CLIC4: variants seen among roughly 807,000 people sequenced by gnomAD.
The protein encoded by CLIC4 is chloride intracellular channel protein 4.
Under a neutral mutation model 24.6 loss-of-function variants are expected in CLIC4, and 13 were observed. That is an observed-to-expected ratio of 0.53 (90% CI 0.34 to 0.84). The LOEUF is 0.84. Among genes scored for constraint, CLIC4 ranks in the 40% least tolerant of loss-of-function variants. The pLI is 0.01. For synonymous variants in CLIC4, 104 were observed against 111.3 expected, an observed-to-expected ratio of 0.93 and a Z score of 0.41; for missense variants, 227 against 301.7, an observed-to-expected ratio of 0.75 and a Z score of 1.83.
chr1:24,755,246 G>A (rs752941204), intron 1 of CLIC4, among the ~76,000 whole-genome samples: 23 of 150,660 alleles, frequency 1.5e-4, no homozygotes, highest in African/African-American at 3.7e-4. Flanking sequence ...GATTACAGGC[G>A]TGAGCTACCA....
Position 24,789,134 on chromosome 1 carries a change from A to G in CLIC4, c.73-8608A>G, listed in dbSNP as rs879410873. Reference sequence around the variant, plus strand: ...TTTGGACATCTGTATGACTGTTTCTATAGAATAAATTTCTAGATATAAAAT... The same window carrying G: ...TTTGGACATCTGTATGACTGTTTCTGTAGAATAAATTTCTAGATATAAAAT... On this transcript the variant is annotated intron_variant, in intron 1 of 5. Coordinates refer to ENST00000374379, the MANE Select transcript of CLIC4 (RefSeq NM_013943.3). Among the ~76,000 whole-genome samples the G allele has an allele frequency of 3.9e-5, 6 of 152,346 alleles. No homozygotes were observed. In the East Asian group the frequency reaches 7.7e-4, roughly 20 times the overall value.
chr1:24,755,832 T>A (rs1305037741), intron 1 of CLIC4, among the ~76,000 whole-genome samples: 1 of 152,030 alleles, frequency 6.6e-6, no homozygotes, highest in East Asian at 1.9e-4. Flanking sequence ...ATTTTAACTT[T>A]TTTTTTGAGA....
At chr1:24,823,560 G>A (rs112106712) in intron 3 of CLIC4, among the ~76,000 whole-genome samples, 4,490 of 152,136 alleles carry the variant, frequency 0.03, 103 homozygotes, top group Middle Eastern at 0.054. Flanking sequence ...GGATCATGAG[G>A]TCAGCAGTTT....
In CLIC4 at chr1:24,784,730, T is replaced by C. The variant is rs377295258; in HGVS notation, c.73-13012T>C. Among the ~76,000 whole-genome samples, 133 of 152,314 alleles carry C rather than the reference T, an allele frequency of 8.7e-4. 1 individual carries two copies. In the South Asian group the frequency reaches 0.023, roughly 26 times the overall value. On this transcript the variant is annotated intron_variant, in intron 1 of 5. Coordinates refer to ENST00000374379, the MANE Select transcript of CLIC4 (RefSeq NM_013943.3). ...GCTGTTTTATTTATACAGACAGAGC[T>C]GGACACATAGTAATTCTGTAATCCC...
intron 5 of CLIC4, among the ~76,000 whole-genome samples, 181 bp from the exon 6 acceptor site, chr1:24,840,592 T>C (rs1430603217): frequency 2.0e-5 from 3 of 152,244 alleles, no homozygotes; most frequent in African/African-American, 7.2e-5. Flanking sequence ...ATCCCTGGTG[T>C]AGCTTGCAGT....
intron 4 of CLIC4, among the ~76,000 whole-genome samples, chr1:24,836,531 A>G (rs1315060993): frequency 2.0e-5 from 3 of 152,220 alleles, no homozygotes; most frequent in African/African-American, 7.2e-5. Flanking sequence ...AATATGATAG[A>G]TATCAATAAC....
chr1:24,802,620 C>T (rs2124139329), intron 2 of CLIC4, among the ~76,000 whole-genome samples: 1 of 152,146 alleles, frequency 6.6e-6, no homozygotes, highest in South Asian at 2.1e-4. Flanking sequence ...CTGTACCATC[C>T]CTACCCCCTA....
intron 2 of CLIC4, among the ~76,000 whole-genome samples, chr1:24,807,147 T>G (rs1307473980): frequency 1.3e-5 from 2 of 151,968 alleles, no homozygotes; most frequent in African/African-American, 4.8e-5. Context: ...AAAAGAAAAT[T>G]GAATAAAAAT....
In CLIC4 at chr1:24,778,616, T is replaced by C. The variant is rs537519810; in HGVS notation, c.73-19126T>C. Among the ~76,000 whole-genome samples, 3 of 152,318 alleles carry C rather than the reference T, an allele frequency of 2.0e-5. No individual in the cohort carries two copies. The East Asian group carries it at 5.8e-4, about 29-fold the overall frequency. ...ATGAAGAATTTGTAAGAAAAAAGGA[T>C]GGACCCTCTGTAAAAAGAAGAGATA... On this transcript the variant is annotated intron_variant, in intron 1 of 5. Coordinates refer to ENST00000374379, the MANE Select transcript of CLIC4 (RefSeq NM_013943.3).
chr1:24,840,731 G>C, intron 5 of CLIC4, 42 bp from the exon 6 acceptor site: 1 of 1,511,546 alleles, frequency 6.6e-7, no homozygotes, highest in Non-Finnish European at 9.0e-7. Context: ...TTTACAAGAC[G>C]TGGAAATAAG....
chr1:24,789,727 CTT>C, intron 1 of CLIC4, among the ~76,000 whole-genome samples: 1 of 151,648 alleles, frequency 6.6e-6, no homozygotes, highest in Middle Eastern at 3.4e-3. Flanking sequence ...TCTGGGACTT[CTT>C]TATATCTTTT....
At chr1:24,814,073 G>T in intron 2 of CLIC4, 21 bp from the exon 3 acceptor site, 2 of 1,612,546 alleles carry the variant, frequency 1.2e-6, no homozygotes, top group South Asian at 1.1e-5. Flanking sequence ...ATCTGATTTT[G>T]ACCAATATTT....
At chr1:24,812,265 C>T (rs571715024) in intron 2 of CLIC4, among the ~76,000 whole-genome samples, 1 of 152,098 alleles carries the variant, frequency 6.6e-6, no homozygotes, top group South Asian at 2.1e-4. Flanking sequence ...TTCATTATGC[C>T]ATCTTTTATG....
Position 24,840,985 on chromosome 1 carries a change from G to A in CLIC4, c.*48G>A, listed in dbSNP as rs114651082. 1.3e-3 allele frequency: 1,928 copies of A among 1,505,386 alleles called. 15 individuals are homozygous for A. In the African/African-American group the frequency reaches 0.023, roughly 18 times the overall value. The allele number at this position is 1,505,386 out of a possible 1,614,324, so 93.3% of individuals were successfully genotyped here. The stretch of plus-strand genomic sequence containing the variant: ...TCTTCATGTCTTCCCCTAAGAATAC[G>A]CTTTTCCTAACAGGCTACTCCTTCC... On this transcript the variant is annotated 3_prime_UTR_variant, in exon 6 of 6. Transcript: ENST00000374379.
chr1:24,800,426 C>T (rs1364785926), intron 2 of CLIC4, among the ~76,000 whole-genome samples: 3 of 149,902 alleles, frequency 2.0e-5, no homozygotes, highest in Admixed American at 6.6e-5. Context: ...CCAGCTGCCC[C>T]GTCTGGGAGG....
At chr1:24,781,429 A>C (rs1396483534) in intron 1 of CLIC4, among the ~76,000 whole-genome samples, 2 of 151,440 alleles carry the variant, frequency 1.3e-5, no homozygotes, top group Non-Finnish European at 2.9e-5. Flanking sequence ...GGTGTGAGCC[A>C]CCGCGTCTGG....
chr1:24,752,338 T>C (rs1342535284), intron 1 of CLIC4, among the ~76,000 whole-genome samples: 4 of 152,192 alleles, frequency 2.6e-5, no homozygotes, highest in African/African-American at 9.6e-5. Flanking sequence ...AGTTTATTTC[T>C]CACCCCTCAG....
chr1:24,826,939 TG>T, intron 3 of CLIC4, 70 bp from the exon 4 acceptor site: 1 of 985,138 alleles, frequency 1.0e-6, no homozygotes, highest in Non-Finnish European at 1.5e-6. Flanking sequence ...ACTGCTAGCA[TG>T]GTGGTTTGAG....
chr1:24,825,021 C>CACAA (rs1440951991), intron 3 of CLIC4, among the ~76,000 whole-genome samples: 6 of 151,656 alleles, frequency 4.0e-5, no homozygotes, highest in Non-Finnish European at 8.8e-5. Flanking sequence ...CACACACACA[C>CACAA]ACACACACAC....
Sources: gnomAD v4.1 joint callset for allele counts (sites outside exome capture counted in the v4.1 genomes callset) on GRCh38, gnomAD v4.1.1 for gene constraint, MANE v1.5 for transcripts, NCBI Gene and HGNC (gene_info 2026-07-23, HGNC 2026-07-21) for gene names.